The following STX17 variants were observed in gnomAD, a reference collection of about 807,000 sequenced individuals.
STX17 encodes syntaxin 17.
In STX17, 29 loss-of-function variants were observed where a neutral mutation model predicts 35.9. That is an observed-to-expected ratio of 0.81 (90% CI 0.60 to 1.10). The LOEUF (loss-of-function observed/expected upper bound fraction) is 1.10. Ranked by LOEUF, STX17 falls within the 50% of genes least tolerant of loss-of-function variation. The pLI is 0.00. For synonymous variants in STX17, 92 were observed against 118.3 expected (o/e 0.78, Z 1.44); for missense variants, 312 against 352.3 (o/e 0.89, Z 0.92).
chr9:99,968,951 C>T lies in STX17; in HGVS notation c.*278C>T. The T allele has an allele frequency of 6.9e-6, 2 of 290,542 alleles. No homozygotes were observed. Among genetic ancestry groups the T allele is most frequent in the Non-Finnish European group, 1.3e-5 (2 of 157,438 alleles). The allele number at this position is 290,542 out of a possible 1,614,324, so 18.0% of individuals were successfully genotyped here. A position where few individuals can be genotyped will look rare whatever the true frequency, so the allele number is the denominator to read the frequency against. ...GATTTTCTCCCTGGAAATGTGAAAA[C>T]TGAACCTATAACTCTGATAAGGACT... On this transcript the variant is annotated 3_prime_UTR_variant, in exon 8 of 8. Transcript: ENST00000259400.
chr9:99,964,082 T>A (rs2118533550), intron 6 of STX17, among the ~76,000 whole-genome samples: 1 of 152,126 alleles, frequency 6.6e-6, no homozygotes, highest in South Asian at 2.1e-4. Context: ...ACAACTACTA[T>A]CAGAACTCTC....
chr9:99,945,774 T>A lies in STX17; in HGVS notation c.190-5286T>A, dbSNP rs567167973. On this transcript the variant is annotated intron_variant, in intron 3 of 7. Coordinates refer to ENST00000259400, the MANE Select transcript of STX17 (RefSeq NM_017919.3). ...GATTTCATCAACTGTGGAACAAAAA[T>A]TTTTTTTTTTTAAATGGACAGTTGC... 562 of 253,552 alleles carry A rather than the reference T, an allele frequency of 2.2e-3. 4 individuals are homozygous for A. Among genetic ancestry groups the A allele is most frequent in the South Asian group, 4.9e-3 (132 of 26,680 alleles). 15.7% of individuals were successfully genotyped at this position (253,552 alleles called of 1,614,324 possible). A position where few individuals can be genotyped will look rare whatever the true frequency, so the allele number is the denominator to read the frequency against.
chr9:99,920,538 T>C (rs1449004964), intron 2 of STX17, among the ~76,000 whole-genome samples: 1 of 152,224 alleles, frequency 6.6e-6, no homozygotes, highest in Non-Finnish European at 1.5e-5. Context: ...TAAATACTTA[T>C]TATTAAAGCC....
chr9:99,938,866 TG>T (rs5899398), intron 3 of STX17, among the ~76,000 whole-genome samples: 104,266 of 150,226 alleles, frequency 0.69, 36,480 homozygotes, highest in African/African-American at 0.75. Flanking sequence ...GCTATCGGCC[TG>T]AGATTTTTCT....
In STX17 at chr9:99,961,065, G is replaced by A. The variant is rs188324086; in HGVS notation, c.582+910G>A. 9.3e-4 allele frequency among the ~76,000 whole-genome samples: 142 copies of A among 152,308 alleles called. 2 individuals carry two copies. Among genetic ancestry groups the A allele is most frequent in the Admixed American group, 8.9e-3 (136 of 15,298 alleles). ...CTGTTCCAGATTGACAAGTACTGCA[G>A]TATAACCAAAGCATAAGGTACCATG... is the stretch of plus-strand genomic sequence containing the variant. On this transcript the variant is annotated intron_variant, in intron 6 of 7. Transcript: ENST00000259400.
intron 3 of STX17, among the ~76,000 whole-genome samples, chr9:99,943,111 G>A (rs1829399735): frequency 6.6e-6 from 1 of 151,840 alleles, no homozygotes; most frequent in Non-Finnish European, 1.5e-5. Flanking sequence ...TTGAATTCCT[G>A]TATTTGTTTT....
rs977327172 is a variant in STX17, at chr9:99,973,698, A to G, written c.*5025A>G. ...ACACCCCGCACTTGATCTTCCCCCA[A>G]CTTTAAGTGACTCAGTTCCTTATAT... On this transcript the variant is annotated 3_prime_UTR_variant, in exon 8 of 8. Transcript: ENST00000259400. Among the ~76,000 whole-genome samples, 3 of 152,168 alleles carry G rather than the reference A, an allele frequency of 2.0e-5. No individual in the cohort carries two copies. The highest frequency in any genetic ancestry group is 2.0e-4 in the Admixed American group (3 of 15,278).
At chr9:99,943,195 G>T (rs973140708) in intron 3 of STX17, among the ~76,000 whole-genome samples, 2 of 152,238 alleles carry the variant, frequency 1.3e-5, no homozygotes, top group East Asian at 1.9e-4. Flanking sequence ...GTGCAGTGGC[G>T]CGATCTCTGC....
intron 3 of STX17, among the ~76,000 whole-genome samples, chr9:99,950,462 G>T (rs1390168253): frequency 6.6e-6 from 1 of 151,836 alleles, no homozygotes; most frequent in Non-Finnish European, 1.5e-5. Flanking sequence ...GGACTTATAT[G>T]CAGGGATATT....
intron 2 of STX17, among the ~76,000 whole-genome samples, chr9:99,916,426 TATTTATTC>T (rs143579554): frequency 0.3 from 40,434 of 133,840 alleles, 6,291 homozygotes; most frequent in Non-Finnish European, 0.39. Flanking sequence ...TTTATTTATT[TATTTATTC>T]ATTCATTCAT....
chr9:99,935,213 C>T (rs1443552327), intron 3 of STX17, among the ~76,000 whole-genome samples: 4 of 151,470 alleles, frequency 2.6e-5, no homozygotes, highest in African/African-American at 7.3e-5. Flanking sequence ...ACCTGTAGTC[C>T]CAGCTACTCG....
chr9:99,952,788 C>T (rs1049368790), intron 4 of STX17, among the ~76,000 whole-genome samples: 3 of 150,904 alleles, frequency 2.0e-5, no homozygotes, highest in African/African-American at 7.3e-5. Flanking sequence ...GGACAAAAAA[C>T]CAAACACTGC....
At chr9:99,915,138 C>A in intron 1 of STX17, 40 bp from the exon 2 acceptor site, 1 of 1,300,828 alleles carries the variant, frequency 7.7e-7, no homozygotes. Flanking sequence ...ATAGTGGAAA[C>A]AGATTTGAAA....
At chr9:99,952,730 G>A (rs1829627641) in intron 4 of STX17, among the ~76,000 whole-genome samples, 2 of 152,160 alleles carry the variant, frequency 1.3e-5, no homozygotes, top group East Asian at 3.9e-4. Context: ...GTCCTTTGTA[G>A]GGACATGGAT....
At chr9:99,946,673 A>C (rs1829488588) in intron 3 of STX17, among the ~76,000 whole-genome samples, 1 of 152,188 alleles carries the variant, frequency 6.6e-6, no homozygotes, top group Non-Finnish European at 1.5e-5. Context: ...TTATTGACTG[A>C]AGGCAAATTC....
At chr9:99,927,073 G>C (rs1362536101) in intron 2 of STX17, among the ~76,000 whole-genome samples, 2 of 152,196 alleles carry the variant, frequency 1.3e-5, no homozygotes, top group Non-Finnish European at 2.9e-5. Context: ...AAACCCTGCA[G>C]ATCTCTGGAG....
intron 2 of STX17, among the ~76,000 whole-genome samples, chr9:99,916,492 T>C (rs1030634801): frequency 6.6e-6 from 1 of 151,556 alleles, no homozygotes; most frequent in African/African-American, 2.4e-5. Flanking sequence ...GTGGAGGATA[T>C]GGTCATTAAG....
At chr9:99,950,161 A>G (rs1261128141) in intron 3 of STX17, among the ~76,000 whole-genome samples, 1 of 151,972 alleles carries the variant, frequency 6.6e-6, no homozygotes, top group Non-Finnish European at 1.5e-5. Flanking sequence ...TTTCTCAAAA[A>G]GAAGGAAAAT....
intron 2 of STX17, among the ~76,000 whole-genome samples, chr9:99,926,475 T>C (rs868057609): frequency 2.6e-5 from 4 of 152,134 alleles, no homozygotes; most frequent in Non-Finnish European, 5.9e-5. Flanking sequence ...CACAGTTTCG[T>C]TGGGAACAGT....
Sources: allele counts gnomAD v4.1 joint callset (sites outside exome capture counted in the v4.1 genomes callset), GRCh38; gene constraint gnomAD v4.1.1; transcripts MANE v1.5; gene names NCBI Gene and HGNC (gene_info 2026-07-23, HGNC 2026-07-21).